PTPRD: variants seen among roughly 807,000 people sequenced by gnomAD.
PTPRD encodes protein tyrosine phosphatase receptor type D.
In PTPRD, 34 loss-of-function variants were observed where a neutral mutation model predicts 214.5. That is an observed-to-expected ratio of 0.16 (90% CI 0.12 to 0.21). The LOEUF (loss-of-function observed/expected upper bound fraction) is 0.21, where lower values mean the gene tolerates loss of function less well. PTPRD is among the 10% of genes least tolerant of loss of function. PTPRD has a pLI of 1.00. For synonymous variants in PTPRD, 1,128 were observed against 845.7 expected, an observed-to-expected ratio of 1.33 and a Z score of -5.79; for missense variants, 2,545 against 2,398.7, an observed-to-expected ratio of 1.06 and a Z score of -1.27.
chr9:8,388,064 G>C (rs1168077514), intron 37 of PTPRD, among the ~76,000 whole-genome samples: 2 of 152,292 alleles, frequency 1.3e-5, no homozygotes, highest in East Asian at 3.9e-4. Flanking sequence ...GTTTTGAAAA[G>C]ATCTAATTGC....
rs140929412 is a variant in PTPRD at position 8,983,227 on chromosome 9, C to T, written c.-104+35470G>A. Among the ~76,000 whole-genome samples, 21 of 151,962 alleles carry T rather than the reference C, an allele frequency of 1.4e-4. No individual in the cohort carries two copies. The East Asian group carries it at 4.1e-3, about 30-fold the overall frequency. ...CCTGGATGTGAATGAAATCAACCTT[C>T]TTTATATCATGAAAATTTCATTGAG... On this transcript the variant is annotated intron_variant, in intron 11 of 45. Coordinates refer to ENST00000381196, the MANE Select transcript of PTPRD (RefSeq NM_002839.4).
At chr9:9,575,743 A>AAAAAAAAAAAAAG (rs2088396518) in intron 7 of PTPRD, among the ~76,000 whole-genome samples, 2 of 136,822 alleles carry the variant, frequency 1.5e-5, no homozygotes, top group African/African-American at 5.5e-5. Flanking sequence ...AAAAAAAAAA[A>AAAAAAAAAAAAAG]AAAGAAAGAA....
At chr9:10,176,010 T>C (rs188695779) in intron 3 of PTPRD, among the ~76,000 whole-genome samples, 1 of 152,168 alleles carries the variant, frequency 6.6e-6, no homozygotes, top group Admixed American at 6.5e-5. Context: ...CTTGTTATTG[T>C]TCCTTTGAAA....
chr9:8,569,144 G>A (rs1490465686), intron 14 of PTPRD, among the ~76,000 whole-genome samples: 1 of 151,970 alleles, frequency 6.6e-6, no homozygotes, highest in African/African-American at 2.4e-5. Context: ...AACCCACGTA[G>A]GTGAAACTCT....
Position 10,280,385 on chromosome 9 carries a change from CACACAT to C in PTPRD, c.-545+60572_-545+60577del, listed in dbSNP as rs1441038897. Among the ~76,000 whole-genome samples the C allele has an allele frequency of 2.7e-5, 4 of 149,408 alleles. No individual in the cohort carries two copies. The East Asian group carries it at 7.7e-4, about 29-fold the overall frequency. Reference sequence around the variant, plus strand: ...CCACACACACACACACACACACACACACACATGTGAGACATATATTCTAAGATGCCT... The same window carrying C: ...CCACACACACACACACACACACACACGTGAGACATATATTCTAAGATGCCT... On this transcript the variant is annotated intron_variant, in intron 3 of 45. Transcript: ENST00000381196.
At chr9:9,154,715 C>A (rs1197047990) in intron 10 of PTPRD, among the ~76,000 whole-genome samples, 1 of 152,136 alleles carries the variant, frequency 6.6e-6, no homozygotes, top group Non-Finnish European at 1.5e-5. Flanking sequence ...CATCTGCTCT[C>A]TCCTAAAACA....
chr9:10,180,044 TAG>T (rs1047914242), intron 3 of PTPRD, among the ~76,000 whole-genome samples: 1 of 144,940 alleles, frequency 6.9e-6, no homozygotes, highest in Non-Finnish European at 1.6e-5. Flanking sequence ...AATCAGAAGA[TAG>T]AGACTTACAA....
chr9:8,828,463 C>G (rs1285748058), intron 11 of PTPRD, among the ~76,000 whole-genome samples: 2 of 152,186 alleles, frequency 1.3e-5, no homozygotes, highest in African/African-American at 4.8e-5. Context: ...ACCAAATCAC[C>G]TGACACCTTG....
intron 4 of PTPRD, among the ~76,000 whole-genome samples, chr9:9,982,508 G>T (rs1467468633): frequency 3.4e-5 from 4 of 118,726 alleles, no homozygotes; most frequent in Non-Finnish European, 7.6e-5. Context: ...GTGTGTGTGT[G>T]TGTGTGTTGG....
At chr9:9,553,037 T>C (rs17179053) in intron 8 of PTPRD, among the ~76,000 whole-genome samples, 9,268 of 152,108 alleles carry the variant, frequency 0.061, 335 homozygotes, top group Middle Eastern at 0.17. Flanking sequence ...ATTGTGATAG[T>C]ATAATAATTT....
intron 36 of PTPRD, among the ~76,000 whole-genome samples, chr9:8,403,125 T>C (rs918207459): frequency 3.9e-5 from 6 of 152,192 alleles, no homozygotes; most frequent in Non-Finnish European, 8.8e-5. Context: ...AGAAAGCTTT[T>C]AAACAGTTTC....
chr9:10,385,103 A>T (rs1212539051), intron 2 of PTPRD, among the ~76,000 whole-genome samples: 1 of 151,830 alleles, frequency 6.6e-6, no homozygotes, highest in African/African-American at 2.4e-5. Flanking sequence ...ATTTTTACAT[A>T]TTGTAGTATT....
chr9:8,536,701 C>A (rs1564154293), intron 14 of PTPRD, among the ~76,000 whole-genome samples: 1 of 151,976 alleles, frequency 6.6e-6, no homozygotes, highest in Non-Finnish European at 1.5e-5. Context: ...GGGCCTTCTG[C>A]CATGAGCAGG....
chr9:10,539,773 C>T (rs1395034887), intron 2 of PTPRD, among the ~76,000 whole-genome samples: 5 of 152,134 alleles, frequency 3.3e-5, no homozygotes, highest in South Asian at 4.1e-4. Flanking sequence ...GCTTTGGAGG[C>T]GGACCTCCTT....
chr9:9,316,923 C>T (rs551430569), intron 9 of PTPRD, among the ~76,000 whole-genome samples: 2 of 152,226 alleles, frequency 1.3e-5, no homozygotes, highest in South Asian at 4.1e-4. Context: ...AACTCTCTGT[C>T]TCTAAAGTTA....
intron 11 of PTPRD, among the ~76,000 whole-genome samples, chr9:8,929,658 G>A (rs2098930553): frequency 6.9e-6 from 1 of 143,928 alleles, no homozygotes; most frequent in East Asian, 2.0e-4. Flanking sequence ...TTCTTTTTTT[G>A]TGTGTCTCTG....
At chr9:8,669,869 G>C (rs528726081) in intron 12 of PTPRD, among the ~76,000 whole-genome samples, 1 of 152,264 alleles carries the variant, frequency 6.6e-6, no homozygotes, top group South Asian at 2.1e-4. Flanking sequence ...AGTACTGTAG[G>C]AAGGAGGAGT....
In PTPRD at chr9:9,014,542, C is replaced by G. The variant is rs569503734; in HGVS notation, c.-104+4155G>C. On this transcript the variant is annotated intron_variant, in intron 11 of 45. Coordinates refer to ENST00000381196, the MANE Select transcript of PTPRD (RefSeq NM_002839.4). ...ATCCAGAAGAAAGCATTGTGTTTGT[C>G]TAGAGATTCCTTGCCAGGAATAATC... is the stretch of plus-strand genomic sequence containing the variant. 2.8e-4 allele frequency among the ~76,000 whole-genome samples: 42 copies of G among 152,208 alleles called. No individual in the cohort carries two copies. The South Asian group carries it at 8.5e-3, about 31-fold the overall frequency.
At position 8,518,011 on chromosome 9, in the gene PTPRD, A is replaced by T. The variant is rs780685538; in HGVS notation, c.1380T>A (p.Thr460=). The change falls in exon 21 of 46, where the codon ACT becomes ACA. Residue 460 remains threonine, a synonymous_variant. Transcript: ENST00000381196. ...GYRVYYTMDP[T]QHVNNWMKHN... ...GTTTCATCCAGTTGTTGACATGTTG[A>T]GTGGGATCCATTGTATAATAAACTC... 2.0e-5 allele frequency: 32 copies of T among 1,614,046 alleles called. 1 individual carries two copies. The highest frequency in any genetic ancestry group is 3.3e-4 in the Middle Eastern group (2 of 6,084).
Sources: gnomAD v4.1 joint callset for allele counts (sites outside exome capture counted in the v4.1 genomes callset) on GRCh38, gnomAD v4.1.1 for gene constraint, MANE v1.5 for transcripts, NCBI Gene and HGNC (gene_info 2026-07-23, HGNC 2026-07-21) for gene names.